Variants in KAT6A observed in about 807,000 individuals in gnomAD.
KAT6A encodes the protein histone acetyltransferase KAT6A.
A neutral mutation model predicts 198.4 loss-of-function variants in KAT6A; 9 were observed. The ratio of observed to expected loss-of-function variants is 0.05; its 90% CI spans 0.03 to 0.08. The LOEUF (loss-of-function observed/expected upper bound fraction) is 0.08. Ranked by LOEUF, KAT6A falls within the 10% of genes least tolerant of loss-of-function variation. The probability of loss-of-function intolerance (pLI) is 1.00; values close to 1 mark genes in which losing one functional copy is unlikely to be tolerated. For missense variants in KAT6A, 2,077 were observed against 2,509.9 expected (o/e 0.83, Z 3.69); for synonymous variants, 890 against 883.0 (o/e 1.01, Z -0.14).
chr8:42,025,213 GTT>G (rs1487515459), intron 2 of KAT6A, among the ~76,000 whole-genome samples: 1 of 146,506 alleles, frequency 6.8e-6, no homozygotes, highest in Non-Finnish European at 1.5e-5. Flanking sequence ...GTTTTTTTTT[GTT>G]TTGTTTTGTT....
chr8:42,043,012 C>T lies in KAT6A; in HGVS notation c.600+5366G>A, dbSNP rs939305253. 3.3e-5 allele frequency among the ~76,000 whole-genome samples: 5 copies of T among 152,200 alleles called. 1 individual carries two copies. The South Asian group carries it at 6.2e-4, about 19-fold the overall frequency. On this transcript the variant is annotated intron_variant, in intron 2 of 16. Coordinates refer to ENST00000265713, the MANE Select transcript of KAT6A (RefSeq NM_006766.5). ...TCAAATAATTGCCTTGCCCACTAAACATATTATTATTTCTGAGTCATGATA... is the reference window on the plus strand; with the variant it reads ...TCAAATAATTGCCTTGCCCACTAAATATATTATTATTTCTGAGTCATGATA...
intron 15 of KAT6A, among the ~76,000 whole-genome samples, chr8:41,939,561 C>T (rs372583472): frequency 6.6e-5 from 10 of 152,134 alleles, no homozygotes; most frequent in African/African-American, 2.2e-4. Context: ...TAGATATATG[C>T]CAACAGGTAC....
In KAT6A at chr8:42,032,054, C is replaced by G. The variant is rs180877979; in HGVS notation, c.600+16324G>C. 7.4e-3 allele frequency among the ~76,000 whole-genome samples: 1,123 copies of G among 152,232 alleles called. 6 individuals are homozygous for G. Among genetic ancestry groups the G allele is most frequent in the Non-Finnish European group, 0.01 (709 of 68,012 alleles). On this transcript the variant is annotated intron_variant, in intron 2 of 16. Coordinates refer to ENST00000265713, the MANE Select transcript of KAT6A (RefSeq NM_006766.5). Reference sequence around the variant, plus strand: ...ACGCCGTTCTCCTGCCTCAGCCTCCCGAGTAGCTGGGACTACAGGCGCCTG... The same window carrying G: ...ACGCCGTTCTCCTGCCTCAGCCTCCGGAGTAGCTGGGACTACAGGCGCCTG...
At chr8:41,986,414 T>C (rs1300966307) in intron 3 of KAT6A, among the ~76,000 whole-genome samples, 1 of 152,202 alleles carries the variant, frequency 6.6e-6, no homozygotes, top group Non-Finnish European at 1.5e-5. Context: ...AAATCTGTTA[T>C]CATCCTGGTT....
At chr8:41,999,284 T>A (rs1323264320) in intron 2 of KAT6A, among the ~76,000 whole-genome samples, 5 of 152,240 alleles carry the variant, frequency 3.3e-5, no homozygotes, top group Non-Finnish European at 2.9e-5. Flanking sequence ...TTAGTGGTTA[T>A]TTGAAAGCTC....
chr8:41,953,784 A>G (rs1822785360), intron 9 of KAT6A, among the ~76,000 whole-genome samples: 1 of 152,152 alleles, frequency 6.6e-6, no homozygotes, highest in Non-Finnish European at 1.5e-5. Flanking sequence ...CTCGGTCATA[A>G]AAGATCTTGG....
At chr8:41,941,524 A>T in intron 14 of KAT6A, 80 bp from the exon 15 acceptor site, 1 of 1,412,898 alleles carries the variant, frequency 7.1e-7, no homozygotes, top group Non-Finnish European at 9.4e-7. Context: ...CCTTTTAAGT[A>T]TTGAGAGAAG....
intron 8 of KAT6A, among the ~76,000 whole-genome samples, chr8:41,971,072 G>A (rs1166114500): frequency 6.6e-6 from 1 of 151,966 alleles, no homozygotes; most frequent in African/African-American, 2.4e-5. Context: ...GGGGCCTGTT[G>A]TGGGGTGGGA....
At chr8:41,959,483 T>C (rs1564023497) in intron 8 of KAT6A, among the ~76,000 whole-genome samples, 1 of 152,182 alleles carries the variant, frequency 6.6e-6, no homozygotes, top group Non-Finnish European at 1.5e-5. Context: ...TACCACATAA[T>C]CTAGCAATTC....
intron 2 of KAT6A, among the ~76,000 whole-genome samples, chr8:42,009,916 A>AAC (rs1825939616): frequency 1.1e-5 from 1 of 92,392 alleles, no homozygotes; most frequent in Non-Finnish European, 2.6e-5. Context: ...AAAAAAAAAC[A>AAC]AAAAAAAACA....
intron 8 of KAT6A, among the ~76,000 whole-genome samples, chr8:41,965,863 C>A (rs538129739): frequency 1.1e-4 from 16 of 152,224 alleles, no homozygotes; most frequent in African/African-American, 3.9e-4. Context: ...CTCCTTGATG[C>A]TGCTGAAAGT....
intron 2 of KAT6A, among the ~76,000 whole-genome samples, chr8:42,046,333 C>T (rs189261691): frequency 2.0e-5 from 3 of 151,904 alleles, no homozygotes; most frequent in East Asian, 1.9e-4. Flanking sequence ...GTCAGGAGTT[C>T]GAGACCAGCC....
chr8:41,946,487 TATATATACACACACAC>T (rs1370801995), intron 12 of KAT6A, 88 bp downstream of exon 12: 1 of 448,776 alleles, frequency 2.2e-6, no homozygotes, highest in African/African-American at 3.6e-5. Flanking sequence ...TTTAAATATA[TATATATACACACACAC>T]ACACACACAC....
chr8:42,041,737 CA>C (rs568405744), intron 2 of KAT6A, among the ~76,000 whole-genome samples: 131 of 121,796 alleles, frequency 1.1e-3, no homozygotes, highest in Middle Eastern at 4.4e-3. Flanking sequence ...GACTCCATCT[CA>C]AAAAAAAAAA....
intron 5 of KAT6A, among the ~76,000 whole-genome samples, chr8:41,980,491 C>T (rs1214697140): frequency 6.6e-6 from 1 of 152,034 alleles, no homozygotes; most frequent in South Asian, 2.1e-4. Flanking sequence ...ATATAATCAA[C>T]ACGACCTAAT....
rs968189490 is a variant in KAT6A, at chr8:41,929,653, T to C, written c.*2552A>G. On this transcript the variant is annotated 3_prime_UTR_variant, in exon 17 of 17. Transcript: ENST00000265713. ...AAAGGCATCTAGGCACCCCTTCCCC[T>C]TAGCTTACAAGTCACCATGAACAAA... 1 of 194,490 alleles carries C rather than the reference T, an allele frequency of 5.1e-6. No individual in the cohort carries two copies. Among genetic ancestry groups the C allele is most frequent in the African/African-American group, 2.3e-5 (1 of 43,118 alleles). 12.0% of individuals were successfully genotyped at this position (194,490 alleles called of 1,614,324 possible). A position where few individuals can be genotyped will look rare whatever the true frequency, so the allele number is the denominator to read the frequency against.
At chr8:41,937,684 T>C in intron 15 of KAT6A, 116 bp from the exon 16 acceptor site, 1 of 733,356 alleles carries the variant, frequency 1.4e-6, no homozygotes. Context: ...GGATGTTGTT[T>C]GCCAAAAAAT....
At chr8:42,047,354 T>A (rs1287031168) in intron 2 of KAT6A, among the ~76,000 whole-genome samples, 1 of 152,184 alleles carries the variant, frequency 6.6e-6, no homozygotes, top group Admixed American at 6.5e-5. Flanking sequence ...TACAATAACA[T>A]CCTAAAACAC....
intron 2 of KAT6A, among the ~76,000 whole-genome samples, chr8:41,999,886 A>T (rs1291536648): frequency 2.0e-5 from 3 of 152,250 alleles, no homozygotes; most frequent in African/African-American, 7.2e-5. Flanking sequence ...GTGAAGATTA[A>T]CAGATAAAGT....
Sources: allele counts gnomAD v4.1 joint callset (sites outside exome capture counted in the v4.1 genomes callset), GRCh38; gene constraint gnomAD v4.1.1; transcripts MANE v1.5; gene names NCBI Gene and HGNC (gene_info 2026-07-23, HGNC 2026-07-21).